The following ACLY variants were observed in gnomAD, a reference collection of about 807,000 sequenced individuals.
ACLY encodes ATP citrate lyase.
Under a neutral mutation model 133.0 loss-of-function variants are expected in ACLY, and 41 were observed. That is an observed-to-expected ratio of 0.31 (90% CI 0.24 to 0.40). The LOEUF (loss-of-function observed/expected upper bound fraction) is 0.40, where lower values mean the gene tolerates loss of function less well. Ranked by LOEUF, ACLY falls within the 10% of genes least tolerant of loss-of-function variation. The pLI is 1.00. For missense variants in ACLY, 1,046 were observed against 1,453.8 expected (o/e 0.72, Z 4.56); for synonymous variants, 495 against 549.3 (o/e 0.90, Z 1.38).
intron 2 of ACLY, among the ~76,000 whole-genome samples, chr17:41,913,347 C>T (rs1555633960): frequency 1.3e-5 from 2 of 152,244 alleles, no homozygotes; most frequent in African/African-American, 4.8e-5. Flanking sequence ...AGGCACCAAG[C>T]ACGCTAAATG....
chr17:41,881,086 G>C (rs548012499), intron 20 of ACLY, among the ~76,000 whole-genome samples: 1 of 151,746 alleles, frequency 6.6e-6, no homozygotes, highest in Admixed American at 6.6e-5. Flanking sequence ...GCTGTTGGGC[G>C]AGTACAGAGT....
rs572844812 is a variant in ACLY, at chr17:41,910,901, C to A, written c.283-617G>T. Among the ~76,000 whole-genome samples, 28 of 152,168 alleles carry A rather than the reference C, an allele frequency of 1.8e-4. 1 individual carries two copies. Among genetic ancestry groups the A allele is most frequent in the Non-Finnish European group, 3.5e-4 (24 of 68,020 alleles). On this transcript the variant is annotated intron_variant, in intron 3 of 28. Transcript: ENST00000352035. ...CGTCACTGCTGAGTCAGGGACCAGA[C>A]AGCAATCCATAAGAGGTAATGAGCC...
In ACLY at chr17:41,900,069, C is replaced by CAAAAAAAAAAAAAAAAAA. The variant is rs60296550; in HGVS notation, c.1184-1302_1184-1285dup. 1.1e-4 allele frequency among the ~76,000 whole-genome samples: 5 copies of CAAAAAAAAAAAAAAAAAA among 46,632 alleles called. 2 individuals are homozygous for CAAAAAAAAAAAAAAAAAA. The highest frequency in any genetic ancestry group is 2.0e-4 in the African/African-American group (3 of 15,190). 30.6% of individuals were successfully genotyped at this position (46,632 alleles called of 152,430 possible). On this transcript the variant is annotated intron_variant, in intron 11 of 28. Transcript: ENST00000352035. ...GGGTGACAGAGTGAGACCCTGTCTC[C>CAAAAAAAAAAAAAAAAAA]AAAAAAAAAAAAAAAAAAAAAAAAA...
intron 1 of ACLY, among the ~76,000 whole-genome samples, chr17:41,917,907 G>C (rs1251063260): frequency 6.6e-6 from 1 of 152,184 alleles, no homozygotes; most frequent in Non-Finnish European, 1.5e-5. Flanking sequence ...TAGTTCAGCT[G>C]AGCCAGCTGA....
chr17:41,909,359 C>G (rs1449674134), intron 5 of ACLY, 151 bp downstream of exon 5: 1 of 838,298 alleles, frequency 1.2e-6, no homozygotes, highest in Admixed American at 2.7e-5. Context: ...AGCCAGTCCC[C>G]GCCCTGCACC....
At chr17:41,925,261 C>T (rs576779728) in intron 1 of ACLY, among the ~76,000 whole-genome samples, 47 of 151,384 alleles carry the variant, frequency 3.1e-4, no homozygotes, top group Admixed American at 1.1e-3. Context: ...CAGAGCGAAA[C>T]TCTGTCTCAA....
In ACLY at chr17:41,875,146, C is replaced by T. The variant is rs574055432; in HGVS notation, c.2488-1181G>A. On this transcript the variant is annotated intron_variant, in intron 22 of 28. Coordinates refer to ENST00000352035, the MANE Select transcript of ACLY (RefSeq NM_001096.3). Reference sequence around the variant, plus strand: ...GGCGGATCACTTGAGGTCAGGAGTTCGAGACCAGCCTGGCCAACATGGTGA... The same window carrying T: ...GGCGGATCACTTGAGGTCAGGAGTTTGAGACCAGCCTGGCCAACATGGTGA... Among the ~76,000 whole-genome samples the T allele has an allele frequency of 2.6e-4, 39 of 151,818 alleles. No individual in the cohort carries two copies. In the East Asian group the frequency reaches 3.9e-3, roughly 15 times the overall value.
intron 18 of ACLY, among the ~76,000 whole-genome samples, chr17:41,885,396 A>G (rs781921655): frequency 7.2e-5 from 11 of 152,186 alleles, no homozygotes; most frequent in Non-Finnish European, 1.3e-4. Context: ...AGGTGACTCT[A>G]TCTCAACAGC....
intron 1 of ACLY, among the ~76,000 whole-genome samples, chr17:41,918,648 G>A (rs1400001865): frequency 1.3e-5 from 2 of 152,210 alleles, no homozygotes; most frequent in East Asian, 3.9e-4. Context: ...CAAACTCCCA[G>A]GAACTGGAAT....
At chr17:41,900,094 A>AAAAAAAAAAAAAAAAAAAAAAAAAAAAG (rs2049491986) in intron 11 of ACLY, among the ~76,000 whole-genome samples, 1 of 143,074 alleles carries the variant, frequency 7.0e-6, no homozygotes, top group Non-Finnish European at 1.5e-5. Context: ...AAAAAAAAAA[A>AAAAAAAAAAAAAAAAAAAAAAAAAAAAG]AATTGCCTAT....
intron 1 of ACLY, among the ~76,000 whole-genome samples, chr17:41,929,422 C>T (rs1381851233): frequency 3.3e-5 from 5 of 152,080 alleles, no homozygotes; most frequent in African/African-American, 1.2e-4. Flanking sequence ...CTACTGGGCT[C>T]CACCATACTC....
intron 16 of ACLY, among the ~76,000 whole-genome samples, chr17:41,891,092 T>C (rs1555629188): frequency 6.6e-6 from 1 of 152,100 alleles, no homozygotes; most frequent in African/African-American, 2.4e-5. Context: ...TGGAGTGCAA[T>C]GGCATGATAA....
chr17:41,873,154 T>C (rs1284469661), intron 23 of ACLY, among the ~76,000 whole-genome samples: 3 of 151,884 alleles, frequency 2.0e-5, no homozygotes, highest in African/African-American at 7.3e-5. Flanking sequence ...AGAAACAAAT[T>C]TGCAAAGTGA....
chr17:41,902,209 G>A (rs2049560539), intron 10 of ACLY, among the ~76,000 whole-genome samples: 1 of 152,180 alleles, frequency 6.6e-6, no homozygotes, highest in African/African-American at 2.4e-5. Context: ...CTTAAGTGAT[G>A]TGCGGGAATA....
Position 41,887,127 on chromosome 17 carries a change from GAAAAAAAAAA to G in ACLY, c.1875+462_1875+471del, listed in dbSNP as rs535668437. Among the ~76,000 whole-genome samples the G allele has an allele frequency of 2.2e-4, 24 of 110,380 alleles. No individual in the cohort carries two copies. The East Asian group carries it at 4.7e-3, about 22-fold the overall frequency. The allele number at this position is 110,380 out of a possible 152,430, so 72.4% of individuals were successfully genotyped here. A position where few individuals can be genotyped will look rare whatever the true frequency, so the allele number is the denominator to read the frequency against. On this transcript the variant is annotated intron_variant, in intron 17 of 28. Transcript: ENST00000352035. ...TAACAGGGCAAGACTCCGTCTCAAAGAAAAAAAAAAAAAAAAAAAAAAAAAAAAAGGCCAA... is the reference window on the plus strand; with the variant it reads ...TAACAGGGCAAGACTCCGTCTCAAAGAAAAAAAAAAAAAAAAAAAGGCCAA...
Position 41,872,012 on chromosome 17 carries a change from C to T in ACLY, c.2793+20G>A, listed in dbSNP as rs2048610994. On this transcript the variant is annotated intron_variant, in intron 24 of 28. Transcript: ENST00000352035. ...GGCCCAGTGTCCCCACTGTTCACCT[C>T]CCATGATGACAGTACTTACGATGGT... The T allele has an allele frequency of 6.2e-7, 1 of 1,613,416 alleles. No individual in the cohort carries two copies. Among genetic ancestry groups the T allele is most frequent in the Non-Finnish European group, 8.5e-7 (1 of 1,179,684 alleles).
At chr17:41,873,161 G>A (rs1597967928) in intron 23 of ACLY, among the ~76,000 whole-genome samples, 2 of 151,210 alleles carry the variant, frequency 1.3e-5, no homozygotes, top group African/African-American at 4.9e-5. Context: ...AATTTGCAAA[G>A]TGAACACAAG....
chr17:41,904,091 TCAA>T (rs1254771259), intron 10 of ACLY, among the ~76,000 whole-genome samples: 4 of 141,342 alleles, frequency 2.8e-5, no homozygotes, highest in Non-Finnish European at 4.5e-5. Flanking sequence ...CACTCCAGCC[TCAA>T]CAACAAGAGT....
At chr17:41,894,035 G>A (rs1227444165) in intron 14 of ACLY, among the ~76,000 whole-genome samples, 1 of 151,996 alleles carries the variant, frequency 6.6e-6, no homozygotes, top group African/African-American at 2.4e-5. Flanking sequence ...CCAACGCGGT[G>A]AAACGCTGTC....
Sources: allele counts gnomAD v4.1 joint callset (sites outside exome capture counted in the v4.1 genomes callset), GRCh38; gene constraint gnomAD v4.1.1; transcripts MANE v1.5; gene names NCBI Gene and HGNC (gene_info 2026-07-23, HGNC 2026-07-21).